Variants in SNX30 observed in about 807,000 individuals in gnomAD.
The protein encoded by SNX30 is sorting nexin-30.
In SNX30, 24 loss-of-function variants were observed where a neutral mutation model predicts 46.4. That is an observed-to-expected ratio of 0.52 (90% CI 0.37 to 0.73). SNX30 has a LOEUF of 0.73. SNX30 is among the 30% of genes least tolerant of loss of function. SNX30 has a pLI of 0.00. For missense variants in SNX30, 533 were observed against 555.7 expected (o/e 0.96, Z 0.41); for synonymous variants, 189 against 211.5 (o/e 0.89, Z 0.92).
At chr9:112,809,679 G>T (rs1393694212) in intron 2 of SNX30, among the ~76,000 whole-genome samples, 1 of 152,178 alleles carries the variant, frequency 6.6e-6, no homozygotes, top group Non-Finnish European at 1.5e-5. Context: ...AATGCAAAGT[G>T]GACGTTAGTT....
chr9:112,765,724 T>A (rs1346449884), intron 1 of SNX30, among the ~76,000 whole-genome samples: 1 of 152,214 alleles, frequency 6.6e-6, no homozygotes, highest in African/African-American at 2.4e-5. Flanking sequence ...TATTGTGAAA[T>A]GATTACCACA....
intron 3 of SNX30, among the ~76,000 whole-genome samples, chr9:112,826,893 C>T (rs889494871): frequency 2.6e-5 from 4 of 152,196 alleles, no homozygotes; most frequent in Admixed American, 6.5e-5. Context: ...GGGCCAGCAT[C>T]GGGCTGAGTG....
At chr9:112,797,873 A>ATTTT (rs55871515) in intron 1 of SNX30, among the ~76,000 whole-genome samples, 4 of 121,932 alleles carry the variant, frequency 3.3e-5, no homozygotes, top group Admixed American at 8.8e-5. Context: ...TAATATTGGT[A>ATTTT]TTTTTTTTTT....
chr9:112,790,762 T>C (rs1189383134), intron 1 of SNX30, among the ~76,000 whole-genome samples: 1 of 152,240 alleles, frequency 6.6e-6, no homozygotes, highest in African/African-American at 2.4e-5. Context: ...TTAGTAAATA[T>C]AGCAGTTCAT....
chr9:112,837,696 C>T (rs369778271), intron 5 of SNX30, among the ~76,000 whole-genome samples: 2 of 151,826 alleles, frequency 1.3e-5, no homozygotes, highest in East Asian at 1.9e-4. Context: ...AGGATGGTCT[C>T]GATCTCCTGA....
In SNX30 at chr9:112,822,536, G is replaced by GTTTTTTTTTTT. The variant is rs139781990; in HGVS notation, c.459+4725_459+4726insTTTTTTTTTTT. The stretch of plus-strand genomic sequence containing the variant: ...TTTTCTTTTGTCCCTTTGCTGTTTT[G>GTTTTTTTTTTT]TTTTGTTTTTTTTTTTTGTAAGAAC... On this transcript the variant is annotated intron_variant, in intron 3 of 8. Coordinates refer to ENST00000374232, the MANE Select transcript of SNX30 (RefSeq NM_001012994.2). Among the ~76,000 whole-genome samples the GTTTTTTTTTTT allele has an allele frequency of 1.3e-3, 159 of 123,628 alleles. 3 individuals carry two copies. The highest frequency in any genetic ancestry group is 1.7e-3 in the Non-Finnish European group (106 of 60,900). 81.1% of individuals were successfully genotyped at this position (123,628 alleles called of 152,430 possible). A position where few individuals can be genotyped will look rare whatever the true frequency, so the allele number is the denominator to read the frequency against.
chr9:112,866,227 G>C (rs374114459), intron 8 of SNX30, among the ~76,000 whole-genome samples: 6 of 152,136 alleles, frequency 3.9e-5, no homozygotes, highest in African/African-American at 1.2e-4. Context: ...ATAAGGAAAA[G>C]AACGGGAAAC....
chr9:112,857,816 CT>C (rs1564293926), intron 7 of SNX30, among the ~76,000 whole-genome samples: 2 of 151,240 alleles, frequency 1.3e-5, no homozygotes, highest in East Asian at 2.0e-4. Context: ...ATCCATCTAT[CT>C]ATTTATTTAT....
intron 6 of SNX30, among the ~76,000 whole-genome samples, chr9:112,842,538 T>TC (rs1840876423): frequency 6.6e-6 from 1 of 152,246 alleles, no homozygotes; most frequent in African/African-American, 2.4e-5. Context: ...GCCTTTAGGA[T>TC]CATCTTTCTC....
intron 1 of SNX30, among the ~76,000 whole-genome samples, chr9:112,771,333 A>T (rs982978191): frequency 2.0e-5 from 3 of 152,244 alleles, no homozygotes; most frequent in African/African-American, 7.2e-5. Context: ...AAAAGCTTAT[A>T]TGGCTATTAG....
chr9:112,785,669 C>T lies in SNX30; in HGVS notation c.157-19107C>T, dbSNP rs1839913515. ...AAAGTGCTGGGATTACAGGCATGTG[C>T]CACCACGCCTGGCCGTGCCTGGCTA... On this transcript the variant is annotated intron_variant, in intron 1 of 8. Transcript: ENST00000374232. 2.0e-5 allele frequency among the ~76,000 whole-genome samples: 3 copies of T among 152,138 alleles called. No individual in the cohort carries two copies. The South Asian group carries it at 6.2e-4, about 31-fold the overall frequency.
intron 3 of SNX30, among the ~76,000 whole-genome samples, chr9:112,822,129 G>C (rs1172206479): frequency 1.3e-5 from 2 of 151,570 alleles, no homozygotes; most frequent in Non-Finnish European, 2.9e-5. Flanking sequence ...GCCCAGGCTG[G>C]TCTCAAACTC....
intron 2 of SNX30, among the ~76,000 whole-genome samples, chr9:112,816,899 G>T: frequency 6.6e-6 from 1 of 152,030 alleles, no homozygotes; most frequent in East Asian, 1.9e-4. Context: ...TCTTGTTTTG[G>T]TAAAAATCAA....
intron 7 of SNX30, among the ~76,000 whole-genome samples, chr9:112,854,892 C>T (rs561487509): frequency 3.2e-4 from 49 of 152,332 alleles, no homozygotes; most frequent in African/African-American, 1.2e-3. Flanking sequence ...AAGTGCTCGG[C>T]GTAGTGTCTG....
chr9:112,760,366 GC>G (rs1178238484), intron 1 of SNX30, among the ~76,000 whole-genome samples: 12 of 152,158 alleles, frequency 7.9e-5, no homozygotes, highest in Middle Eastern at 3.2e-3. Flanking sequence ...AAATACCCTG[GC>G]TTGTCTCCTC....
chr9:112,808,726 C>T (rs1032001268), intron 2 of SNX30, among the ~76,000 whole-genome samples: 23 of 152,006 alleles, frequency 1.5e-4, no homozygotes, highest in African/African-American at 2.2e-4. Flanking sequence ...TTTACAAAAA[C>T]GAGTATTTTG....
chr9:112,771,059 A>T (rs933779152), intron 1 of SNX30, among the ~76,000 whole-genome samples: 1 of 152,198 alleles, frequency 6.6e-6, no homozygotes, highest in African/African-American at 2.4e-5. Context: ...CTGCCCAGTT[A>T]TTCTCCCCCT....
Position 112,750,933 on chromosome 9 carries a change from TGCTCGGGGA to T in SNX30, c.-63_-55del. 8 of 1,166,458 alleles carry T rather than the reference TGCTCGGGGA, an allele frequency of 6.9e-6. No homozygotes were observed. The highest frequency in any genetic ancestry group is 8.4e-6 in the Non-Finnish European group (8 of 946,848). The allele number at this position is 1,166,458 out of a possible 1,614,324, so 72.3% of individuals were successfully genotyped here. A position where few individuals can be genotyped will look rare whatever the true frequency, so the allele number is the denominator to read the frequency against. On this transcript the variant is annotated 5_prime_UTR_variant, in exon 1 of 9. Coordinates refer to ENST00000374232, the MANE Select transcript of SNX30 (RefSeq NM_001012994.2). ...CGGCCGAGCGGGGCTCGGCCCGGGG[TGCTCGGGGA>T]GCTCGCCGCGGCGGGCAGCAGGAGG...
chr9:112,845,843 G>C (rs1840933499), intron 6 of SNX30, among the ~76,000 whole-genome samples: 1 of 152,180 alleles, frequency 6.6e-6, no homozygotes, highest in African/African-American at 2.4e-5. Context: ...TCTTGGATGA[G>C]TGGACAGACA....
Sources: allele counts gnomAD v4.1 joint callset (sites outside exome capture counted in the v4.1 genomes callset), GRCh38; gene constraint gnomAD v4.1.1; transcripts MANE v1.5; gene names NCBI Gene and HGNC (gene_info 2026-07-23, HGNC 2026-07-21).